The following SRC variants were observed in gnomAD, a reference collection of about 807,000 sequenced individuals.
The protein encoded by SRC is proto-oncogene tyrosine-protein kinase Src.
Under a neutral mutation model 62.9 loss-of-function variants are expected in SRC, and 13 were observed. The ratio of observed to expected loss-of-function variants is 0.21; its 90% CI spans 0.13 to 0.33. SRC has a LOEUF of 0.33. SRC is among the 10% of genes least tolerant of loss of function. The pLI, the probability that SRC is intolerant of heterozygous loss-of-function variation, is 1.00. For missense variants in SRC, 457 were observed against 737.3 expected (o/e 0.62, Z 4.40); for synonymous variants, 302 against 317.5 (o/e 0.95, Z 0.52).
intron 1 of SRC, among the ~76,000 whole-genome samples, chr20:37,363,432 G>A (rs908455637): frequency 2.0e-5 from 3 of 152,148 alleles, no homozygotes; most frequent in African/African-American, 4.8e-5. Context: ...CTCCTGGGTC[G>A]CCCTTGCTGT....
intron 5 of SRC, among the ~76,000 whole-genome samples, chr20:37,391,553 ACTC>A (rs2070548896): frequency 6.6e-6 from 1 of 151,876 alleles, no homozygotes; most frequent in Non-Finnish European, 1.5e-5. Context: ...AGTTTCCCCA[ACTC>A]TCTAAAGAAA....
intron 5 of SRC, among the ~76,000 whole-genome samples, chr20:37,390,914 G>C (rs1352108072): frequency 1.3e-5 from 2 of 152,168 alleles, no homozygotes; most frequent in Non-Finnish European, 2.9e-5. Flanking sequence ...GGGTCCTTCA[G>C]TAAAATTGGA....
At chr20:37,367,497 G>A (rs1600971798) in intron 2 of SRC, among the ~76,000 whole-genome samples, 4 of 151,414 alleles carry the variant, frequency 2.6e-5, no homozygotes, top group Admixed American at 2.6e-4. Flanking sequence ...CTATTTTTAT[G>A]ATTAATGTAA....
At position 37,384,768 on chromosome 20, in the gene SRC, C is replaced by T. The variant is rs1345628678; in HGVS notation, c.250+365C>T. Among the ~76,000 whole-genome samples, 1 of 152,172 alleles carries T rather than the reference C, an allele frequency of 6.6e-6. No individual in the cohort carries two copies. The highest frequency in any genetic ancestry group is 1.5e-5 in the Non-Finnish European group (1 of 68,010). ...CCAGAGATGAGTCGGGACGCGCGGCCCACGTGCGGCGGAGGGGCAGCTGGG... is the reference window on the plus strand; with the variant it reads ...CCAGAGATGAGTCGGGACGCGCGGCTCACGTGCGGCGGAGGGGCAGCTGGG... On this transcript the variant is annotated intron_variant, in intron 4 of 13. Transcript: ENST00000373578. This position sits in a 1 kb window ranked among gnomAD's most constrained non-coding sequence, Gnocchi z 6.7.
rs2070745900 is a variant in SRC, at chr20:37,402,081, A to G, written c.1117-354A>G. 1 of 309,534 alleles carries G rather than the reference A, an allele frequency of 3.2e-6. No homozygotes were observed. Among genetic ancestry groups the G allele is most frequent in the East Asian group, 5.9e-5 (1 of 16,818 alleles). The allele number at this position is 309,534 out of a possible 1,614,324, so 19.2% of individuals were successfully genotyped here. On this transcript the variant is annotated intron_variant, in intron 11 of 13. Transcript: ENST00000373578. This position sits in a 1 kb window ranked among gnomAD's most constrained non-coding sequence, Gnocchi z 6.2. ...TTATTCCCATTGGACGGATGAGAAAACTGAGGCTCAGAGAGGGGACTTGGG... is the reference window on the plus strand; with the variant it reads ...TTATTCCCATTGGACGGATGAGAAAGCTGAGGCTCAGAGAGGGGACTTGGG...
intron 1 of SRC, among the ~76,000 whole-genome samples, chr20:37,364,055 C>T (rs577473221): frequency 5.3e-5 from 8 of 152,264 alleles, no homozygotes; most frequent in East Asian, 3.9e-4. Context: ...TTCCCTGCCC[C>T]GCCTCCCACC....
chr20:37,376,597 G>A (rs2070282671), intron 2 of SRC, among the ~76,000 whole-genome samples: 1 of 152,172 alleles, frequency 6.6e-6, no homozygotes, highest in African/African-American at 2.4e-5. Context: ...TCCACCACCC[G>A]GGTTCAAGTG....
Position 37,384,546 on chromosome 20 carries a change from GGGGT to G in SRC, c.250+147_250+150del. The G allele has an allele frequency of 1.1e-6, 1 of 951,556 alleles. No homozygotes were observed. The highest frequency in any genetic ancestry group is 1.4e-6 in the Non-Finnish European group (1 of 736,192). The allele number at this position is 951,556 out of a possible 1,614,324, so 58.9% of individuals were successfully genotyped here. The stretch of plus-strand genomic sequence containing the variant: ...GCCCCTGGGTGACTTGGGTGTCCGG[GGGGT>G]GGGGGGGCGGCCGTACACACTGTGA... On this transcript the variant is annotated intron_variant, in intron 4 of 13. Coordinates refer to ENST00000373578, the MANE Select transcript of SRC (RefSeq NM_198291.3). This position sits in a 1 kb window ranked among gnomAD's most constrained non-coding sequence, Gnocchi z 6.7.
chr20:37,349,782 T>A (rs2069776133), intron 1 of SRC, among the ~76,000 whole-genome samples: 1 of 152,218 alleles, frequency 6.6e-6, no homozygotes, highest in Non-Finnish European at 1.5e-5. Context: ...AGGGTGACTT[T>A]GAGTCCTGCC....
intron 2 of SRC, among the ~76,000 whole-genome samples, chr20:37,376,390 A>T (rs1260731322): frequency 2.0e-5 from 3 of 152,214 alleles, no homozygotes; most frequent in African/African-American, 7.2e-5. Context: ...CCTCACAATG[A>T]ACCCCACATT....
intron 4 of SRC, among the ~76,000 whole-genome samples, chr20:37,385,177 C>CACAA (rs55852949): frequency 6.6e-6 from 1 of 152,160 alleles, no homozygotes; most frequent in Non-Finnish European, 1.5e-5. Flanking sequence ...CAGAGACACA[C>CACAA]GCTCAGCTGG....
intron 7 of SRC, among the ~76,000 whole-genome samples, chr20:37,395,008 G>A (rs2070618462): frequency 6.6e-6 from 1 of 152,214 alleles, no homozygotes; most frequent in Admixed American, 6.5e-5. Context: ...GGCCTAGGGA[G>A]CGTGTACTTG....
intron 2 of SRC, among the ~76,000 whole-genome samples, chr20:37,370,066 C>G (rs6122526): frequency 6.6e-6 from 1 of 152,196 alleles, no homozygotes; most frequent in Non-Finnish European, 1.5e-5. Flanking sequence ...TCCCAGAGTG[C>G]TGGGATTGCA....
intron 7 of SRC, among the ~76,000 whole-genome samples, chr20:37,395,413 C>T (rs969986784): frequency 2.0e-5 from 3 of 152,260 alleles, no homozygotes; most frequent in Non-Finnish European, 2.9e-5. Context: ...GGGGCTCAGC[C>T]TTGTTCCCTG....
intron 2 of SRC, among the ~76,000 whole-genome samples, chr20:37,373,354 AT>A (rs1278513257): frequency 1.3e-5 from 2 of 150,812 alleles, no homozygotes; most frequent in Non-Finnish European, 2.9e-5. Flanking sequence ...ACATATGTAC[AT>A]ATATACACAT....
At chr20:37,399,113 G>A (rs920797454) in intron 9 of SRC, among the ~76,000 whole-genome samples, 6 of 152,174 alleles carry the variant, frequency 3.9e-5, no homozygotes, top group African/African-American at 1.4e-4. Flanking sequence ...CTCACGGTGG[G>A]GCTGGCCCAG....
At chr20:37,395,122 G>A (rs187439916) in intron 7 of SRC, among the ~76,000 whole-genome samples, 5 of 152,184 alleles carry the variant, frequency 3.3e-5, no homozygotes, top group Non-Finnish European at 2.9e-5. Context: ...GCACCCTCCC[G>A]GGCCATCAGT....
chr20:37,402,359 C>T lies in SRC; in HGVS notation c.1117-76C>T. 6.4e-7 allele frequency: 1 copy of T among 1,551,842 alleles called. No individual in the cohort carries two copies. The highest frequency in any genetic ancestry group is 8.7e-7 in the Non-Finnish European group (1 of 1,147,788). On this transcript the variant is annotated intron_variant, in intron 11 of 13. Transcript: ENST00000373578. This position sits in a 1 kb window ranked among gnomAD's most constrained non-coding sequence, Gnocchi z 6.2. ...GGGTGGGGAAGGGGTGGTTGGCTCT[C>T]CAGCCCCAGAGTGCTCTGTGGCCCT...
intron 1 of SRC, among the ~76,000 whole-genome samples, chr20:37,348,837 G>A (rs1448246250): frequency 6.6e-6 from 1 of 152,246 alleles, no homozygotes; most frequent in Non-Finnish European, 1.5e-5. Flanking sequence ...AAGAGGGCAT[G>A]TAGGGGTTGA....
Sources: allele counts gnomAD v4.1 joint callset (sites outside exome capture counted in the v4.1 genomes callset), GRCh38; gene constraint gnomAD v4.1.1; non-coding constraint Gnocchi (gnomAD v3.1); transcripts MANE v1.5; gene names NCBI Gene and HGNC (gene_info 2026-07-23, HGNC 2026-07-21).